The following GALNTL6 variants were observed in gnomAD, a reference collection of about 807,000 sequenced individuals.
The protein encoded by GALNTL6 is polypeptide N-acetylgalactosaminyltransferase like 6.
Under a neutral mutation model 73.7 loss-of-function variants are expected in GALNTL6, and 46 were observed. That is an observed-to-expected ratio of 0.62 (90% CI 0.49 to 0.80). The LOEUF (loss-of-function observed/expected upper bound fraction) is 0.80. GALNTL6 is among the 30% of genes least tolerant of loss of function. The pLI, the probability that GALNTL6 is intolerant of heterozygous loss-of-function variation, is 0.00. For synonymous variants in GALNTL6, 259 were observed against 263.7 expected, an observed-to-expected ratio of 0.98 and a Z score of 0.17; for missense variants, 604 against 755.0, an observed-to-expected ratio of 0.80 and a Z score of 2.34.
intron 2 of GALNTL6, among the ~76,000 whole-genome samples, chr4:171,944,511 T>G (rs1163381979): frequency 6.6e-6 from 1 of 152,054 alleles, no homozygotes; most frequent in Non-Finnish European, 1.5e-5. Context: ...CAGTGATTTC[T>G]ACTGGTGTTT....
intron 9 of GALNTL6, among the ~76,000 whole-genome samples, chr4:172,946,870 T>A (rs896233955): frequency 2.0e-4 from 30 of 152,166 alleles, no homozygotes; most frequent in Admixed American, 3.9e-4. Context: ...ATTTTGGTTA[T>A]GGAAAAGCAG....
At chr4:172,403,018 C>G (rs1744095177) in intron 5 of GALNTL6, among the ~76,000 whole-genome samples, 1 of 151,998 alleles carries the variant, frequency 6.6e-6, no homozygotes, top group Non-Finnish European at 1.5e-5. Flanking sequence ...TAGTCCGTAT[C>G]TTCACATAAT....
chr4:172,312,955 C>T (rs1228836052), intron 4 of GALNTL6, among the ~76,000 whole-genome samples: 1 of 152,048 alleles, frequency 6.6e-6, no homozygotes, highest in East Asian at 1.9e-4. Flanking sequence ...CCAAATTATC[C>T]CCACGTTACC....
At chr4:172,609,245 G>A (rs1472733393) in intron 5 of GALNTL6, among the ~76,000 whole-genome samples, 1 of 152,048 alleles carries the variant, frequency 6.6e-6, no homozygotes, top group East Asian at 1.9e-4. Flanking sequence ...AATATTTCTA[G>A]ATTTTGCCCA....
chr4:172,581,055 C>T (rs935178669), intron 5 of GALNTL6, among the ~76,000 whole-genome samples: 1 of 152,222 alleles, frequency 6.6e-6, no homozygotes, highest in Admixed American at 6.5e-5. Context: ...AGCCACTGTG[C>T]CCGGCTGGCT....
intron 2 of GALNTL6, among the ~76,000 whole-genome samples, chr4:171,917,378 A>T (rs962324107): frequency 2.2e-4 from 33 of 152,206 alleles, no homozygotes; most frequent in African/African-American, 7.2e-4. Flanking sequence ...CAACTTTCAG[A>T]TATAGCTAAG....
intron 5 of GALNTL6, among the ~76,000 whole-genome samples, chr4:172,727,692 A>C (rs1020356793): frequency 6.6e-5 from 10 of 152,308 alleles, no homozygotes; most frequent in African/African-American, 2.2e-4. Context: ...GAACAGAAGC[A>C]TATGCATGAA....
chr4:172,556,166 A>G (rs889466755), intron 5 of GALNTL6, among the ~76,000 whole-genome samples: 1 of 152,108 alleles, frequency 6.6e-6, no homozygotes, highest in African/African-American at 2.4e-5. Context: ...ATCATAATAT[A>G]GTGAAATAGG....
intron 2 of GALNTL6, among the ~76,000 whole-genome samples, chr4:172,109,731 C>A (rs1732797270): frequency 6.6e-6 from 1 of 152,152 alleles, no homozygotes; most frequent in Admixed American, 6.5e-5. Flanking sequence ...AAACAGAAAG[C>A]AAAGCTCCCA....
At chr4:172,187,771 T>C (rs1735457628) in intron 2 of GALNTL6, among the ~76,000 whole-genome samples, 1 of 152,118 alleles carries the variant, frequency 6.6e-6, no homozygotes, top group Non-Finnish European at 1.5e-5. Context: ...TTTAAAACTA[T>C]TATGCTGTTT....
intron 7 of GALNTL6, among the ~76,000 whole-genome samples, chr4:172,857,641 C>T (rs1186155409): frequency 1.3e-5 from 2 of 152,154 alleles, no homozygotes; most frequent in African/African-American, 4.8e-5. Context: ...TGACATATCT[C>T]ACTAAGAATG....
intron 5 of GALNTL6, among the ~76,000 whole-genome samples, chr4:172,588,098 G>A (rs1737490383): frequency 6.6e-6 from 1 of 152,086 alleles, no homozygotes; most frequent in South Asian, 2.1e-4. Flanking sequence ...GTAGCATAAT[G>A]AGAATGCTTA....
Position 172,900,714 on chromosome 4 carries a change from C to T in GALNTL6, c.1041+17807C>T, listed in dbSNP as rs114368816. 9.0e-3 allele frequency among the ~76,000 whole-genome samples: 1,366 copies of T among 152,210 alleles called. 18 individuals are homozygous for T. Among genetic ancestry groups the T allele is most frequent in the African/African-American group, 0.031 (1,274 of 41,542 alleles). On this transcript the variant is annotated intron_variant, in intron 8 of 12. Transcript: ENST00000506823. ...AATTCAAGGGATATTTTTTAGTTTT[C>T]ACAGTTCAAGAGGTTTTTTTCTTAA...
At chr4:171,973,916 A>G (rs1193371806) in intron 2 of GALNTL6, among the ~76,000 whole-genome samples, 2 of 152,204 alleles carry the variant, frequency 1.3e-5, no homozygotes, top group Admixed American at 6.5e-5. Flanking sequence ...GTGATAACAT[A>G]CAGATTAGCA....
intron 5 of GALNTL6, among the ~76,000 whole-genome samples, chr4:172,591,396 A>T (rs1235309895): frequency 7.1e-6 from 1 of 140,834 alleles, no homozygotes; most frequent in Non-Finnish European, 1.5e-5. Context: ...TCCCATTAGT[A>T]AGTTTCTTTT....
chr4:171,879,450 C>A (rs1280274591), intron 2 of GALNTL6, among the ~76,000 whole-genome samples: 1 of 151,872 alleles, frequency 6.6e-6, no homozygotes, highest in Non-Finnish European at 1.5e-5. Flanking sequence ...AAGTAGAAGA[C>A]GGCATTAAAA....
At chr4:171,974,140 C>G (rs1739649249) in intron 2 of GALNTL6, among the ~76,000 whole-genome samples, 1 of 152,122 alleles carries the variant, frequency 6.6e-6, no homozygotes, top group Non-Finnish European at 1.5e-5. Flanking sequence ...GCTGGGACTA[C>G]AGGCAAGTGC....
intron 5 of GALNTL6, among the ~76,000 whole-genome samples, chr4:172,591,601 T>C (rs954538314): frequency 6.6e-6 from 1 of 152,226 alleles, no homozygotes; most frequent in Non-Finnish European, 1.5e-5. Context: ...GGTTAAACTT[T>C]TAAAAGTTTA....
intron 7 of GALNTL6, among the ~76,000 whole-genome samples, chr4:172,831,722 T>C (rs73871871): frequency 1.5e-3 from 229 of 152,248 alleles, no homozygotes; most frequent in African/African-American, 5.1e-3. Flanking sequence ...AGCCCCAACA[T>C]GATGGGATTT....
Sources: allele counts gnomAD v4.1 joint callset (sites outside exome capture counted in the v4.1 genomes callset), GRCh38; gene constraint gnomAD v4.1.1; transcripts MANE v1.5; gene names NCBI Gene and HGNC (gene_info 2026-07-23, HGNC 2026-07-21).